PCSK1N: variants seen among roughly 807,000 people sequenced by gnomAD.
PCSK1N encodes the protein proSAAS.
In PCSK1N, 8 loss-of-function variants were observed where a neutral mutation model predicts 10.6. That is an observed-to-expected ratio of 0.76 (90% CI 0.44 to 1.37). The LOEUF (loss-of-function observed/expected upper bound fraction) is 1.37. Among genes scored for constraint, PCSK1N ranks in the 40% most tolerant of loss-of-function variants. The pLI is 0.00. For synonymous variants in PCSK1N, 143 were observed against 137.1 expected (o/e 1.04, Z -0.30); for missense variants, 301 against 268.5 (o/e 1.12, Z -0.84).
Position 48,834,834 on chromosome X carries a change from C to CAG in PCSK1N, c.114+583_114+584dup, listed in dbSNP as rs782314874. ...ACACACACACACAGAGAGAGAGAGACAGAGAGAGAGAGAGAGAGACACGCC... is the reference window on the plus strand; with the variant it reads ...ACACACACACACAGAGAGAGAGAGACAGAGAGAGAGAGAGAGAGAGACACGCC... On this transcript the variant is annotated intron_variant, in intron 1 of 2. Transcript: ENST00000218230. 1.9e-3 allele frequency: 191 copies of CAG among 102,872 alleles called. 2 individuals carry two copies. Among genetic ancestry groups the CAG allele is most frequent in the African/African-American group, 5.0e-3 (139 of 27,767 alleles). The allele number at this position is 102,872 out of a possible 1,213,427, so 8.5% of individuals were successfully genotyped here. A position where few individuals can be genotyped will look rare whatever the true frequency, so the allele number is the denominator to read the frequency against.
Position 48,835,426 on chromosome X carries a change from G to C in PCSK1N, c.107C>G (p.Pro36Arg). 7 of 906,509 alleles carry C rather than the reference G, an allele frequency of 7.7e-6. No homozygotes were observed. Among genetic ancestry groups the C allele is most frequent in the Non-Finnish European group, 9.6e-6 (7 of 728,392 alleles). 74.7% of individuals were successfully genotyped at this position (906,509 alleles called of 1,213,427 possible). The stretch of plus-strand genomic sequence containing the variant: ...GCCGGACTGGGGTCGCACCTTTACC[G>C]GCCGCGCGCAGAGCGCGGGGGGCGG... Reference protein sequence around the residue: ...FRPPPALCARPVKEPRGLSAA... With the variant: ...FRPPPALCARRVKEPRGLSAA... Residue 36 changes from proline (P) to arginine (R), a missense_variant, in exon 1 of 3, where the codon CCG becomes CGG. Pro to Arg is a moderately radical substitution (Grantham distance 103). Transcript: ENST00000218230.
Position 48,831,904 on chromosome X carries a change from G to A in PCSK1N, c.552C>T (p.Gly184=). 1.8e-6 allele frequency: 2 copies of A among 1,089,221 alleles called. No individual in the cohort carries two copies. Among genetic ancestry groups the A allele is most frequent in the African/African-American group, 1.9e-5 (1 of 52,377 alleles). The allele number at this position is 1,089,221 out of a possible 1,213,427, so 89.8% of individuals were successfully genotyped here. ...CGGGGTCCACGTCGGGTGTCTCGTCGCCTGCCTCCTCAGCATCCGGGCCCG... is the reference window on the plus strand; with the variant it reads ...CGGGGTCCACGTCGGGTGTCTCGTCACCTGCCTCCTCAGCATCCGGGCCCG... ...GPAGPDAEEA[G]DETPDVDPEL... Residue 184 remains glycine (G), a synonymous_variant, in exon 2 of 3, where the codon GGC becomes GGT. Transcript: ENST00000218230.
rs782532930 is a variant in PCSK1N, at chrX:48,831,202, G to A, written c.*58C>T. On this transcript the variant is annotated 3_prime_UTR_variant, in exon 3 of 3. Coordinates refer to ENST00000218230, the MANE Select transcript of PCSK1N (RefSeq NM_013271.5). ...GGACGTGCTGGCGGGGAGCAGTCCT[G>A]GTGGCGGGATGGCGGGGGCACTTCT... is the stretch of plus-strand genomic sequence containing the variant. 1.3e-4 allele frequency: 130 copies of A among 997,876 alleles called. No individual in the cohort carries two copies. The African/African-American group carries it at 2.4e-3, about 18-fold the overall frequency. The allele number at this position is 997,876 out of a possible 1,213,427, so 82.2% of individuals were successfully genotyped here.
At chrX:48,831,507 C>T (rs1557033403) in intron 2 of PCSK1N, 52 bp from the exon 3 acceptor site, 7 of 911,269 alleles carry the variant, frequency 7.7e-6, no homozygotes, top group African/African-American at 2.1e-5. Context: ...GGGGCGTTCC[C>T]CCGCCCCACG....
Position 48,832,104 on chromosome X carries a change from T to C in PCSK1N, c.352A>G (p.Asn118Asp). Residue 118 changes from asparagine to aspartate, a missense_variant, in exon 2 of 3, where the codon AAC becomes GAC. Physicochemically the swap from Asn to Asp is conservative, Grantham distance 23. Transcript: ENST00000218230. ...TCCAGGCCCAGAGCCGGATCAGAGT[T>C]GCGGGGGGCGCCCCAGACGCGCAGC... The part of the protein sequence containing the change: ...QLLRVWGAPR[N>D]SDPALGLDDD... 1.8e-6 allele frequency: 2 copies of C among 1,124,090 alleles called. No homozygotes were observed. Among genetic ancestry groups the C allele is most frequent in the Non-Finnish European group, 2.3e-6 (2 of 860,003 alleles). 92.6% of individuals were successfully genotyped at this position (1,124,090 alleles called of 1,213,427 possible). A position where few individuals can be genotyped will look rare whatever the true frequency, so the allele number is the denominator to read the frequency against.
rs1569507015 is a variant in PCSK1N, at chrX:48,835,442, C to CG, written c.90dup (p.Ala31ArgfsTer22). ...ACCTTTACCGGCCGCGCGCAGAGCG[C>CG]GGGGGGCGGCCGAAACAGGCCGAGC... On this transcript the variant is annotated frameshift_variant, in exon 1 of 3. Transcript: ENST00000218230. LOFTEE classifies it high-confidence loss of function. 2.1e-6 allele frequency: 2 copies of CG among 952,080 alleles called. No individual in the cohort carries two copies. The highest frequency in any genetic ancestry group is 2.6e-6 in the Non-Finnish European group (2 of 760,216). 78.5% of individuals were successfully genotyped at this position (952,080 alleles called of 1,213,427 possible).
At chrX:48,833,173 T>C (rs1469431846) in intron 1 of PCSK1N, among the ~76,000 whole-genome samples, 3 of 110,860 alleles carry the variant, frequency 2.7e-5, no homozygotes, top group African/African-American at 6.6e-5. Context: ...AGGCCAGGAG[T>C]TTGAGACCAG....
chrX:48,831,733 G>T, intron 2 of PCSK1N, 136 bp downstream of exon 2: 1 of 489,860 alleles, frequency 2.0e-6, no homozygotes. Flanking sequence ...GGACTCCCTG[G>T]ATCCAGGACC....
intron 2 of PCSK1N, 143 bp downstream of exon 2, chrX:48,831,726 C>T: frequency 2.1e-6 from 1 of 468,588 alleles, no homozygotes; most frequent in Non-Finnish European, 3.2e-6. Context: ...CTTGCCTGGA[C>T]TCCCTGGATC....
chrX:48,832,171 C>T lies in PCSK1N; in HGVS notation c.285G>A (p.Ala95=), dbSNP rs782290409. The part of the protein sequence containing the change: ...AERQERARAE[A]QEAEDQQARV... ...GCGCCTGCTGATCCTCAGCCTCCTG[C>T]GCCTCGGCCCGCGCCCGCTCCTGAC... is the stretch of plus-strand genomic sequence containing the variant. The change falls in exon 2 of 3, where the codon GCG becomes GCA. Residue 95 remains alanine (A), a synonymous_variant. Coordinates refer to ENST00000218230, the MANE Select transcript of PCSK1N (RefSeq NM_013271.5). The T allele has an allele frequency of 2.6e-6, 3 of 1,150,220 alleles. No homozygotes were observed. The allele number at this position is 1,150,220 out of a possible 1,213,427, so 94.8% of individuals were successfully genotyped here.
Position 48,835,475 on chromosome X carries a change from G to A in PCSK1N, c.58C>T (p.Leu20=). The part of the protein sequence containing the change: ...PRAGGVGLLV[L]LLLGLFRPPP... ...GGCCGAAACAGGCCGAGCAGCAGCA[G>A]CACCAAAAGGCCGACGCCCCCGGCC... The change falls in exon 1 of 3, where the codon CTG becomes TTG. Residue 20 remains leucine, a synonymous_variant. Coordinates refer to ENST00000218230, the MANE Select transcript of PCSK1N (RefSeq NM_013271.5). 1.6e-5 allele frequency: 15 copies of A among 966,589 alleles called. No homozygotes were observed. The South Asian group carries it at 2.5e-4, about 16-fold the overall frequency. The allele number at this position is 966,589 out of a possible 1,213,427, so 79.7% of individuals were successfully genotyped here.
Position 48,832,286 on chromosome X carries a change from C to G in PCSK1N, c.170G>C (p.Arg57Pro). Reference protein sequence around the residue: ...SPPLAETGAPRRFRRSVPRGE... With the variant: ...SPPLAETGAPPRFRRSVPRGE... ...TCGGGGCACTGACCGCCGGAAGCGG[C>G]GAGGAGCGCCAGTCTCAGCCAAGGG... Residue 57 changes from arginine to proline, a missense_variant, in exon 2 of 3, where the codon CGC (arginine) becomes CCC (proline). Arg to Pro is a moderately radical substitution (Grantham distance 103). Coordinates refer to ENST00000218230, the MANE Select transcript of PCSK1N (RefSeq NM_013271.5). The G allele has an allele frequency of 8.7e-7, 1 of 1,149,101 alleles. No homozygotes were observed. The allele number at this position is 1,149,101 out of a possible 1,213,427, so 94.7% of individuals were successfully genotyped here.
intron 1 of PCSK1N, among the ~76,000 whole-genome samples, chrX:48,835,194 C>T (rs112636567): frequency 0.082 from 9,247 of 113,005 alleles, 943 homozygotes; most frequent in African/African-American, 0.28. Flanking sequence ...TTACCGGCGG[C>T]GCCCCGGACA....
In PCSK1N at chrX:48,832,070, G is replaced by T; in HGVS notation, c.386C>A (p.Pro129His). 8.9e-7 allele frequency: 1 copy of T among 1,119,722 alleles called. No individual in the cohort carries two copies. The allele number at this position is 1,119,722 out of a possible 1,213,427, so 92.3% of individuals were successfully genotyped here. Residue 129 changes from proline to histidine, a missense_variant, in exon 2 of 3, where the codon CCC (proline) becomes CAC (histidine). By Grantham distance (77) the Pro-to-His change is moderately conservative. Coordinates refer to ENST00000218230, the MANE Select transcript of PCSK1N (RefSeq NM_013271.5). ...SDPALGLDDDPDAPAAQLARA... is the reference protein window; with the variant it reads ...SDPALGLDDDHDAPAAQLARA... ...AGCGAGCTGCGCTGCAGGCGCGTCGGGGTCGTCGTCCAGGCCCAGAGCCGG... is the reference window on the plus strand; with the variant it reads ...AGCGAGCTGCGCTGCAGGCGCGTCGTGGTCGTCGTCCAGGCCCAGAGCCGG...
chrX:48,835,406 A>G lies in PCSK1N; in HGVS notation c.114+13T>C. The G allele has an allele frequency of 1.4e-6, 1 of 714,264 alleles. No individual in the cohort carries two copies. The highest frequency in any genetic ancestry group is 1.8e-6 in the Non-Finnish European group (1 of 568,799). 58.9% of individuals were successfully genotyped at this position (714,264 alleles called of 1,213,427 possible). On this transcript the variant is annotated intron_variant, in intron 1 of 2. Transcript: ENST00000218230. ...TCCCCCAACCCCCACCCCTCGCCGG[A>G]CTGGGGTCGCACCTTTACCGGCCGC...
In PCSK1N at chrX:48,831,411, C is replaced by A; in HGVS notation, c.632G>T (p.Gly211Val). 1 of 1,086,747 alleles carries A rather than the reference C, an allele frequency of 9.2e-7. No homozygotes were observed. The highest frequency in any genetic ancestry group is 3.5e-5 in the East Asian group (1 of 28,468). The allele number at this position is 1,086,747 out of a possible 1,213,427, so 89.6% of individuals were successfully genotyped here. Residue 211 changes from glycine (G) to valine (V), a missense_variant, in exon 3 of 3, where the codon GGG becomes GTG. By Grantham distance (109) the Gly-to-Val change is moderately radical (BLOSUM62 -3). Coordinates refer to ENST00000218230, the MANE Select transcript of PCSK1N (RefSeq NM_013271.5). Reference protein sequence around the residue: ...RILAGSADSEGVAAPRRLRRA... With the variant: ...RILAGSADSEVVAAPRRLRRA... Reference sequence around the variant, plus strand: ...GCGGAGGCGGCGCGGGGCTGCCACCCCCTCGGAGTCCGCGCTTCCCGCAAG... The same window carrying A: ...GCGGAGGCGGCGCGGGGCTGCCACCACCTCGGAGTCCGCGCTTCCCGCAAG...
At chrX:48,834,365 C>T (rs1394560254) in intron 1 of PCSK1N, 2 of 113,906 alleles carry the variant, frequency 1.8e-5, no homozygotes, top group African/African-American at 6.6e-5. Flanking sequence ...GGATGCCTCT[C>T]CAAGTGCCCT....
Position 48,831,881 on chromosome X carries a change from G to A in PCSK1N, c.575C>T (p.Pro192Leu). ...CCCTGCCGGGCACCTCAACAGCTCG[G>A]GGTCCACGTCGGGTGTCTCGTCGCC... ...EAGDETPDVD[P>L]ELLRYLLGRI... is the part of the protein sequence containing the mutation. Residue 192 changes from proline to leucine, a missense_variant, in exon 2 of 3, where the codon CCC (proline) becomes CTC (leucine). Transcript: ENST00000218230. 2 of 1,080,556 alleles carry A rather than the reference G, an allele frequency of 1.9e-6. No homozygotes were observed. Among genetic ancestry groups the A allele is most frequent in the Non-Finnish European group, 2.4e-6 (2 of 838,088 alleles). 89.0% of individuals were successfully genotyped at this position (1,080,556 alleles called of 1,213,427 possible). A position where few individuals can be genotyped will look rare whatever the true frequency, so the allele number is the denominator to read the frequency against.
At chrX:48,832,927 T>C (rs2063177718) in intron 1 of PCSK1N, among the ~76,000 whole-genome samples, 1 of 111,727 alleles carries the variant, frequency 9.0e-6, no homozygotes, top group African/African-American at 3.3e-5. Flanking sequence ...CATATAAATA[T>C]GTTTAAAAGG....
Sources: gnomAD v4.1 joint callset for allele counts (sites outside exome capture counted in the v4.1 genomes callset) on GRCh38, gnomAD v4.1.1 for gene constraint, MANE v1.5 for transcripts, NCBI Gene and HGNC (gene_info 2026-07-23, HGNC 2026-07-21) for gene names.